Variants in SYT9 observed in about 807,000 individuals in gnomAD.
SYT9 encodes the protein synaptotagmin 9, also known as synaptotagmin-9.
Under a neutral mutation model 48.4 loss-of-function variants are expected in SYT9, and 22 were observed. The observed-to-expected ratio is 0.45, with a 90% CI of 0.32 to 0.65. SYT9 has a LOEUF of 0.65. SYT9 is among the 30% of genes least tolerant of loss of function. The probability of loss-of-function intolerance (pLI) is 0.03; values close to 1 mark genes in which losing one functional copy is unlikely to be tolerated. For missense variants in SYT9, 577 were observed against 622.0 expected (o/e 0.93, Z 0.77); for synonymous variants, 265 against 245.0 (o/e 1.08, Z -0.76).
chr11:7,253,347 A>C (rs907999927), intron 1 of SYT9, among the ~76,000 whole-genome samples: 10 of 152,226 alleles, frequency 6.6e-5, no homozygotes, highest in Non-Finnish European at 1.3e-4. Flanking sequence ...GCTATGTATA[A>C]ATATTGGAAA....
rs910749810 is a variant in SYT9, at chr11:7,351,397, A to G, written c.1044+37456A>G. ...TTGGGCAGCCTGTCCGATGGCAGCC[A>G]CCTAATGTAGGATGCAGTGGCAGTG... On this transcript the variant is annotated intron_variant, in intron 3 of 6. Transcript: ENST00000318881. Among the ~76,000 whole-genome samples the G allele has an allele frequency of 8.7e-4, 133 of 152,286 alleles. 1 individual carries two copies. Among genetic ancestry groups the G allele is most frequent in the African/African-American group, 3.1e-3 (127 of 41,550 alleles).
chr11:7,389,813 T>C (rs1369301515), intron 3 of SYT9, among the ~76,000 whole-genome samples: 1 of 151,810 alleles, frequency 6.6e-6, no homozygotes, highest in Non-Finnish European at 1.5e-5. Flanking sequence ...GAAAAGACAA[T>C]CTTAAAACCT....
chr11:7,455,485 C>T (rs1481244427), intron 6 of SYT9, among the ~76,000 whole-genome samples: 1 of 150,888 alleles, frequency 6.6e-6, no homozygotes, highest in African/African-American at 2.5e-5. Flanking sequence ...AGGCACCCGC[C>T]ACCACGCCTG....
chr11:7,286,111 G>A (rs7946934), intron 1 of SYT9, among the ~76,000 whole-genome samples: 11,584 of 152,276 alleles, frequency 0.076, 597 homozygotes, highest in African/African-American at 0.14. Flanking sequence ...TCCCAGTGGG[G>A]ACTCTGTGTG....
intron 3 of SYT9, among the ~76,000 whole-genome samples, chr11:7,378,706 T>A (rs1435780893): frequency 1.3e-5 from 2 of 152,172 alleles, no homozygotes; most frequent in Admixed American, 1.3e-4. Context: ...ATTGCCTTTT[T>A]CTTTATGATT....
chr11:7,309,391 G>A (rs1849089228), intron 2 of SYT9, among the ~76,000 whole-genome samples: 1 of 152,010 alleles, frequency 6.6e-6, no homozygotes, highest in Non-Finnish European at 1.5e-5. Flanking sequence ...ACCAAAATAC[G>A]GGACTCCCCA....
intron 3 of SYT9, among the ~76,000 whole-genome samples, chr11:7,396,268 T>C (rs1174067144): frequency 1.3e-5 from 2 of 152,130 alleles, no homozygotes; most frequent in Non-Finnish European, 1.5e-5. Context: ...AATCACTTTA[T>C]CTCGCTGTAT....
At chr11:7,442,769 C>T (rs1396789896) in intron 6 of SYT9, among the ~76,000 whole-genome samples, 1 of 152,152 alleles carries the variant, frequency 6.6e-6, no homozygotes, top group African/African-American at 2.4e-5. Context: ...ATCAGCTCTG[C>T]TGCCCTTTGC....
At position 7,468,775 on chromosome 11, in the gene SYT9, GC is replaced by G. The variant is rs1848373322; in HGVS notation, c.*1977del. 1 of 153,648 alleles carries G rather than the reference GC, an allele frequency of 6.5e-6. No individual in the cohort carries two copies. Among genetic ancestry groups the G allele is most frequent in the Non-Finnish European group, 1.4e-5 (1 of 69,080 alleles). 9.5% of individuals were successfully genotyped at this position (153,648 alleles called of 1,614,324 possible). A position where few individuals can be genotyped will look rare whatever the true frequency, so the allele number is the denominator to read the frequency against. The stretch of plus-strand genomic sequence containing the variant: ...ACCTCAGAAGCTTCCTGCCCAGAGA[GC>G]CAGCAGCCTTGGGATACTAATGAGG... On this transcript the variant is annotated 3_prime_UTR_variant, in exon 7 of 7. Transcript: ENST00000318881.
At position 7,442,564 on chromosome 11, in the gene SYT9, C is replaced by T. The variant is rs578171793; in HGVS notation, c.1467+21929C>T. On this transcript the variant is annotated intron_variant, in intron 6 of 6. Transcript: ENST00000318881. ...ACACCTTCACCCCCAGCACTGGGCA[C>T]CCACTTCTGCAGCTCCCCACTCAAA... is the stretch of plus-strand genomic sequence containing the variant. 5.8e-3 allele frequency among the ~76,000 whole-genome samples: 878 copies of T among 152,288 alleles called. 9 individuals carry two copies. Among genetic ancestry groups the T allele is most frequent in the Non-Finnish European group, 8.9e-3 (606 of 68,020 alleles).
chr11:7,398,669 C>T (rs9804514), intron 3 of SYT9, among the ~76,000 whole-genome samples: 117,476 of 152,092 alleles, frequency 0.77, 45,817 homozygotes, highest in Non-Finnish European at 0.83. Flanking sequence ...CTAGTTTTAG[C>T]ATCAGTATAT....
At position 7,244,835 on chromosome 11, in the gene SYT9, G is replaced by T. The variant is rs118141238; in HGVS notation, c.49+5919G>T. On this transcript the variant is annotated intron_variant and NMD_transcript_variant, in intron 1 of 8. Coordinates refer to the SYT9 transcript ENST00000524820. ...GATGTGGTCTAAGAGCAGCATGAAA[G>T]ATTTATGGGATTTCATCCATGGCAT... 6.0e-4 allele frequency among the ~76,000 whole-genome samples: 91 copies of T among 152,320 alleles called. No homozygotes were observed. The East Asian group carries it at 0.016, about 26-fold the overall frequency.
At chr11:7,463,565 C>G (rs1403241109) in intron 6 of SYT9, among the ~76,000 whole-genome samples, 1 of 152,168 alleles carries the variant, frequency 6.6e-6, no homozygotes, top group Non-Finnish European at 1.5e-5. Context: ...GACTTGTATG[C>G]TTGACTTTCC....
intron 3 of SYT9, among the ~76,000 whole-genome samples, chr11:7,401,137 A>ATC (rs1846883587): frequency 6.6e-6 from 1 of 152,040 alleles, no homozygotes; most frequent in Admixed American, 6.6e-5. Flanking sequence ...AGGTAATGAC[A>ATC]TCTTTGCTTT....
chr11:7,437,506 A>C (rs373059664), intron 6 of SYT9: 2 of 152,230 alleles, frequency 1.3e-5, no homozygotes, highest in Non-Finnish European at 1.5e-5. Flanking sequence ...TATGGATTCA[A>C]TAAACACTGT....
chr11:7,387,511 C>T (rs1296620742), intron 3 of SYT9, among the ~76,000 whole-genome samples: 3 of 152,088 alleles, frequency 2.0e-5, no homozygotes, highest in African/African-American at 2.4e-5. Context: ...TGTCGTCTAA[C>T]GATAATGACA....
At chr11:7,396,844 G>A (rs1302721237) in intron 3 of SYT9, among the ~76,000 whole-genome samples, 1 of 152,006 alleles carries the variant, frequency 6.6e-6, no homozygotes, top group Non-Finnish European at 1.5e-5. Flanking sequence ...TAGATCTTTT[G>A]CCCATATTTT....
At chr11:7,380,846 C>T (rs1407799374) in intron 3 of SYT9, among the ~76,000 whole-genome samples, 4 of 152,114 alleles carry the variant, frequency 2.6e-5, no homozygotes, top group African/African-American at 7.2e-5. Context: ...GCATCTACTT[C>T]AGATGTTGTA....
chr11:7,352,510 C>G (rs1849936803), intron 3 of SYT9, among the ~76,000 whole-genome samples: 1 of 152,030 alleles, frequency 6.6e-6, no homozygotes, highest in Non-Finnish European at 1.5e-5. Context: ...GTTTAAAGTT[C>G]AGAAATATAT....
Sources: gnomAD v4.1 joint callset for allele counts (sites outside exome capture counted in the v4.1 genomes callset) on GRCh38, gnomAD v4.1.1 for gene constraint, MANE v1.5 for transcripts, NCBI Gene and HGNC (gene_info 2026-07-23, HGNC 2026-07-21) for gene names.